The following PHTF2 variants were observed in gnomAD, a reference collection of about 807,000 sequenced individuals.
PHTF2 encodes the protein putative homeodomain transcription factor 2.
In PHTF2, 60 loss-of-function variants were observed where a neutral mutation model predicts 101.2. That is an observed-to-expected ratio of 0.59 (90% CI 0.48 to 0.73). PHTF2 has a LOEUF of 0.73. Ranked by LOEUF, PHTF2 falls within the 30% of genes least tolerant of loss-of-function variation. The pLI is 0.00. For synonymous variants in PHTF2, 311 were observed against 307.3 expected, an observed-to-expected ratio of 1.01 and a Z score of -0.13; for missense variants, 747 against 908.7, an observed-to-expected ratio of 0.82 and a Z score of 2.29.
At chr7:77,800,265 G>T (rs1167184103) in intron 1 of PHTF2, among the ~76,000 whole-genome samples, 2 of 152,178 alleles carry the variant, frequency 1.3e-5, no homozygotes, top group African/African-American at 4.8e-5. Context: ...AGTTGTAGTG[G>T]CTCCACCTCC....
At chr7:77,823,897 T>G (rs1388392014) in intron 1 of PHTF2, among the ~76,000 whole-genome samples, 16 of 152,188 alleles carry the variant, frequency 1.1e-4, no homozygotes, top group African/African-American at 3.9e-4. Flanking sequence ...CTCTTTTCTT[T>G]GGCAGTGGGA....
chr7:77,815,179 T>C (rs970770968), intron 1 of PHTF2, among the ~76,000 whole-genome samples: 4 of 152,162 alleles, frequency 2.6e-5, no homozygotes, highest in Non-Finnish European at 4.4e-5. Context: ...GTATAATAGC[T>C]GTCTTATTTA....
intron 12 of PHTF2, among the ~76,000 whole-genome samples, chr7:77,936,128 CT>C (rs951309751): frequency 8.6e-5 from 13 of 151,108 alleles, no homozygotes; most frequent in Non-Finnish European, 1.3e-4. Flanking sequence ...TTTCCCACCT[CT>C]TTTTTTTTAC....
chr7:77,934,396 A>T (rs139680333), intron 12 of PHTF2, among the ~76,000 whole-genome samples: 1 of 152,354 alleles, frequency 6.6e-6, no homozygotes, highest in Non-Finnish European at 1.5e-5. Flanking sequence ...TTCAGTTTTT[A>T]GTAAGTGTAA....
chr7:77,943,674 C>T (rs1039341582), intron 16 of PHTF2, among the ~76,000 whole-genome samples: 8 of 152,070 alleles, frequency 5.3e-5, no homozygotes, highest in African/African-American at 7.2e-5. Context: ...TGCAAACCTC[C>T]ATTCCAAGTA....
At chr7:77,910,158 T>C in intron 8 of PHTF2, 87 bp from the exon 8 acceptor site, 2 of 1,073,870 alleles carry the variant, frequency 1.9e-6, no homozygotes, top group Non-Finnish European at 2.7e-6. Context: ...CCTGTGTTTA[T>C]GTTTTCCAAA....
chr7:77,922,202 A>AT (rs1221814286), intron 10 of PHTF2, among the ~76,000 whole-genome samples: 1 of 150,394 alleles, frequency 6.6e-6, no homozygotes, highest in Non-Finnish European at 1.5e-5. Flanking sequence ...TTTTATTTTT[A>AT]TTTTTTAAGA....
intron 1 of PHTF2, among the ~76,000 whole-genome samples, chr7:77,820,048 C>T (rs1244063405): frequency 6.6e-6 from 1 of 152,170 alleles, no homozygotes; most frequent in Non-Finnish European, 1.5e-5. Context: ...CACCACCACA[C>T]CCGGCTAATT....
intron 11 of PHTF2, among the ~76,000 whole-genome samples, chr7:77,927,795 A>G (rs1010789442): frequency 1.3e-5 from 2 of 152,240 alleles, no homozygotes; most frequent in African/African-American, 4.8e-5. Flanking sequence ...AGGGTGGAAC[A>G]TAATCAAAGC....
intron 3 of PHTF2, among the ~76,000 whole-genome samples, chr7:77,886,852 A>G (rs886866736): frequency 3.3e-5 from 5 of 151,882 alleles, no homozygotes; most frequent in African/African-American, 1.2e-4. Context: ...AAGGCCACAT[A>G]GGGAGCAACA....
chr7:77,852,683 T>A (rs60200477), intron 2 of PHTF2, among the ~76,000 whole-genome samples: 8,921 of 152,196 alleles, frequency 0.059, 593 homozygotes, highest in African/African-American at 0.16. Context: ...ATTACCAGTG[T>A]GTTTTGTACC....
At chr7:77,878,761 T>C (rs961224153) in intron 3 of PHTF2, among the ~76,000 whole-genome samples, 1 of 152,234 alleles carries the variant, frequency 6.6e-6, no homozygotes, top group Non-Finnish European at 1.5e-5. Context: ...AGTGATTGAT[T>C]TACTGATTTT....
chr7:77,812,668 C>T (rs1453944114), intron 1 of PHTF2, among the ~76,000 whole-genome samples: 2 of 151,804 alleles, frequency 1.3e-5, no homozygotes, highest in African/African-American at 2.4e-5. Context: ...TGGCTCACTG[C>T]AAGCTCCACC....
intron 1 of PHTF2, among the ~76,000 whole-genome samples, chr7:77,833,815 C>T (rs186175928): frequency 1.2e-3 from 179 of 151,994 alleles, no homozygotes; most frequent in African/African-American, 4.2e-3. Context: ...GACAGTGAGA[C>T]CCTATCTCTA....
intron 2 of PHTF2, among the ~76,000 whole-genome samples, chr7:77,843,306 T>C (rs1481392358): frequency 6.6e-6 from 1 of 152,346 alleles, no homozygotes; most frequent in South Asian, 2.1e-4. Context: ...TGCTTGGTTT[T>C]ACGAATTCTT....
chr7:77,947,955 C>T (rs993167955), intron 16 of PHTF2, among the ~76,000 whole-genome samples: 13 of 145,866 alleles, frequency 8.9e-5, no homozygotes, highest in African/African-American at 3.3e-4. Context: ...TCTCCTGCCT[C>T]AGCCTCCTGA....
At chr7:77,918,103 T>C (rs1227065903) in intron 9 of PHTF2, among the ~76,000 whole-genome samples, 3 of 152,190 alleles carry the variant, frequency 2.0e-5, no homozygotes. Flanking sequence ...TTTCACGTAG[T>C]ATTTACCCTG....
At chr7:77,868,322 A>AT (rs761861776) in intron 3 of PHTF2, among the ~76,000 whole-genome samples, 6,035 of 78,600 alleles carry the variant, frequency 0.077, 140 homozygotes, top group East Asian at 0.16. Flanking sequence ...TTAAAAAAAA[A>AT]TTTTTTTTTT....
At chr7:77,895,027 A>G (rs1344566976) in intron 5 of PHTF2, 1 of 349,476 alleles carries the variant, frequency 2.9e-6, no homozygotes, top group East Asian at 8.9e-5. Context: ...AGATATTGGA[A>G]GATTTTAAGC....
Sources: gnomAD v4.1 joint callset for allele counts (sites outside exome capture counted in the v4.1 genomes callset) on GRCh38, gnomAD v4.1.1 for gene constraint, MANE v1.5 for transcripts, NCBI Gene and HGNC (gene_info 2026-07-23, HGNC 2026-07-21) for gene names.